TF: variants seen among roughly 807,000 people sequenced by gnomAD.
The protein encoded by TF is transferrin, also known as serotransferrin.
A neutral mutation model predicts 82.4 loss-of-function variants in TF; 55 were observed. That is an observed-to-expected ratio of 0.67 (90% CI 0.54 to 0.84). The LOEUF (loss-of-function observed/expected upper bound fraction) is 0.84, where lower values mean the gene tolerates loss of function less well. TF is among the 40% of genes least tolerant of loss of function. The pLI, the probability that TF is intolerant of heterozygous loss-of-function variation, is 0.00. For synonymous variants in TF, 332 were observed against 332.6 expected (o/e 1.00, Z 0.02); for missense variants, 737 against 868.4 (o/e 0.85, Z 1.90).
At chr3:133,777,460 A>T in intron 16 of TF, 1 of 557,316 alleles carries the variant, frequency 1.8e-6, no homozygotes, top group Non-Finnish European at 3.2e-6. Flanking sequence ...TAGTGAACTT[A>T]TTGGGTATAG....
At chr3:133,741,564 C>T (rs561273414), upstream of TF, among the ~76,000 whole-genome samples, 1 of 152,260 alleles carries the variant, frequency 6.6e-6, no homozygotes, top group Admixed American at 6.5e-5. Flanking sequence ...TTTTATGGTA[C>T]ACTAATACTT....
chr3:133,709,959 A>AC, the TF span: 1 of 152,292 alleles, frequency 6.6e-6, no homozygotes, highest in Admixed American at 6.5e-5. Context: ...GCAAAGCAAG[A>AC]CCAGCCTGGA....
At chr3:133,694,684 A>G in the TF span, among the ~76,000 whole-genome samples, 1 of 152,196 alleles carries the variant, frequency 6.6e-6, no homozygotes, top group Non-Finnish European at 1.5e-5. Context: ...AGGACCTCCC[A>G]GCTCACAACT....
chr3:133,689,191 G>T, the TF span, among the ~76,000 whole-genome samples: 1 of 151,990 alleles, frequency 6.6e-6, no homozygotes, highest in South Asian at 2.1e-4. Flanking sequence ...AAATTAGCCG[G>T]GCATGGTGGC....
the TF span, among the ~76,000 whole-genome samples, chr3:133,663,485 G>GAAA: frequency 6.7e-6 from 1 of 150,044 alleles, no homozygotes; most frequent in Non-Finnish European, 1.5e-5. Flanking sequence ...CTAGAGGTGG[G>GAAA]AAAAAAAAGA....
At chr3:133,758,364 A>G (rs558968284) in intron 8 of TF, among the ~76,000 whole-genome samples, 4 of 152,316 alleles carry the variant, frequency 2.6e-5, no homozygotes, top group African/African-American at 7.2e-5. Context: ...TCACTGAGTC[A>G]CTGTGGTTTT....
chr3:133,759,471 C>A, intron 9 of TF, 142 bp downstream of exon 9: 1 of 1,007,408 alleles, frequency 9.9e-7, no homozygotes, highest in East Asian at 2.5e-5. Context: ...AGCACAGCCC[C>A]ACCGGAGGTT....
At chr3:133,686,199 G>C in the TF span, among the ~76,000 whole-genome samples, 1 of 152,040 alleles carries the variant, frequency 6.6e-6, no homozygotes, top group Admixed American at 6.6e-5. Context: ...ACATTAATTC[G>C]AGATGGATTA....
In TF at chr3:133,792,237, C is replaced by T. The variant is rs1173127319; in HGVS notation, c.*13617C>T. 1 of 152,060 alleles carries T rather than the reference C, an allele frequency of 6.6e-6. No individual in the cohort carries two copies. Among genetic ancestry groups the T allele is most frequent in the African/African-American group, 2.4e-5 (1 of 41,382 alleles). 9.4% of individuals were successfully genotyped at this position (152,060 alleles called of 1,614,324 possible). A position where few individuals can be genotyped will look rare whatever the true frequency, so the allele number is the denominator to read the frequency against. On this transcript the variant is annotated 3_prime_UTR_variant, in exon 17 of 17. Transcript: ENST00000402696. ...TTTTATATAAGAAAGGATCTTATATCGTAAATTCGTGTCCTAAAGTAAAAT... is the reference window on the plus strand; with the variant it reads ...TTTTATATAAGAAAGGATCTTATATTGTAAATTCGTGTCCTAAAGTAAAAT...
At chr3:133,743,005 T>C (rs2107902619), upstream of TF, among the ~76,000 whole-genome samples, 2 of 152,220 alleles carry the variant, frequency 1.3e-5, no homozygotes, top group South Asian at 4.2e-4. Flanking sequence ...CTCTTTCTCT[T>C]TCTCTTTCTC....
chr3:133,686,106 C>T, the TF span, among the ~76,000 whole-genome samples: 1 of 152,170 alleles, frequency 6.6e-6, no homozygotes, highest in East Asian at 1.9e-4. Flanking sequence ...GAAAGGATTC[C>T]CTGTTTAATA....
chr3:133,754,659 C>A lies in TF; in HGVS notation c.490C>A (p.Pro164Thr). The A allele has an allele frequency of 6.2e-7, 1 of 1,614,202 alleles. No homozygotes were observed. ...CTGTGACTTACCTGAGCCACGTAAACCTCTTGAGAAAGGTAAGCTGGCAGG... is the reference window on the plus strand; with the variant it reads ...CTGTGACTTACCTGAGCCACGTAAAACTCTTGAGAAAGGTAAGCTGGCAGG... ...LYCDLPEPRK[P>T]LEKAVANFFS... Residue 164 changes from proline to threonine, a missense_variant, in exon 4 of 17, where the codon CCT (proline) becomes ACT (threonine). By Grantham distance (38) the Pro-to-Thr change is conservative (BLOSUM62 -1). Transcript: ENST00000402696.
the TF span, among the ~76,000 whole-genome samples, chr3:133,732,542 A>G: frequency 6.6e-6 from 1 of 152,184 alleles, no homozygotes; most frequent in African/African-American, 2.4e-5. Context: ...CACAGTGTGG[A>G]AGTTTTATTC....
At chr3:133,771,818 T>C (rs1429953743) in intron 14 of TF, among the ~76,000 whole-genome samples, 2 of 142,800 alleles carry the variant, frequency 1.4e-5, no homozygotes, top group Middle Eastern at 3.4e-3. Context: ...ATAATATTAA[T>C]AAAAACAAAC....
chr3:133,746,391 G>A, upstream of TF: 1 of 1,570,210 alleles, frequency 6.4e-7, no homozygotes, highest in Non-Finnish European at 8.6e-7. Flanking sequence ...GCCGGAGGCT[G>A]CACAGAAGCG....
intron 13 of TF, 38 bp from the exon 14 acceptor site, chr3:133,770,470 C>G (rs370485713): frequency 6.2e-7 from 1 of 1,608,542 alleles, no homozygotes; most frequent in African/African-American, 1.3e-5. Flanking sequence ...TCACTCTGAC[C>G]GCCTTTTTTT....
At chr3:133,722,747 TGTA>T in the TF span, among the ~76,000 whole-genome samples, 3 of 152,164 alleles carry the variant, frequency 2.0e-5, no homozygotes, top group Non-Finnish European at 4.4e-5. Flanking sequence ...AGCCACTAAT[TGTA>T]GTTGTTTTTT....
the TF span, among the ~76,000 whole-genome samples, chr3:133,728,685 C>T: frequency 2.6e-5 from 4 of 152,180 alleles, no homozygotes; most frequent in East Asian, 3.8e-4. Flanking sequence ...AGCTTTGTTC[C>T]GTTGCTGGTG....
chr3:133,734,316 G>T, the TF span, among the ~76,000 whole-genome samples: 2 of 152,168 alleles, frequency 1.3e-5, no homozygotes, highest in African/African-American at 4.8e-5. Context: ...CCTTAGAGAA[G>T]GAGATTCTAG....
Sources: gnomAD v4.1 joint callset for allele counts (sites outside exome capture counted in the v4.1 genomes callset) on GRCh38, gnomAD v4.1.1 for gene constraint, MANE v1.5 for transcripts, NCBI Gene and HGNC (gene_info 2026-07-23, HGNC 2026-07-21) for gene names.